ANKRD26: variants seen among roughly 807,000 people sequenced by gnomAD.
ANKRD26 encodes ankyrin repeat domain 26.
A neutral mutation model predicts 208.7 loss-of-function variants in ANKRD26; 141 were observed. The observed-to-expected ratio is 0.68, with a 90% CI of 0.59 to 0.78. The LOEUF is 0.78. ANKRD26 is among the 30% of genes least tolerant of loss of function. ANKRD26 has a pLI of 0.00. For missense variants in ANKRD26, 1,889 were observed against 1,938.7 expected, an observed-to-expected ratio of 0.97 and a Z score of 0.48; for synonymous variants, 636 against 660.4, an observed-to-expected ratio of 0.96 and a Z score of 0.57.
At chr10:26,959,150 G>C in the ANKRD26 span, among the ~76,000 whole-genome samples, 1 of 151,872 alleles carries the variant, frequency 6.6e-6, no homozygotes, top group Admixed American at 6.6e-5. Flanking sequence ...GTGGTGGCAG[G>C]CACCTATAGT....
intron 16 of ANKRD26, chr10:27,051,039 A>G (rs1217894334): frequency 8.3e-7 from 1 of 1,209,820 alleles, no homozygotes; most frequent in Non-Finnish European, 1.0e-6. Flanking sequence ...AACAAAGAGT[A>G]GCAGCAAGCA....
At chr10:27,072,981 G>A (rs778480907) in intron 9 of ANKRD26, among the ~76,000 whole-genome samples, 3 of 152,212 alleles carry the variant, frequency 2.0e-5, no homozygotes, top group Non-Finnish European at 4.4e-5. Context: ...ACATTCCCCA[G>A]CACCACCCTG....
At chr10:27,074,443 G>A (rs2055617802) in intron 9 of ANKRD26, among the ~76,000 whole-genome samples, 1 of 152,236 alleles carries the variant, frequency 6.6e-6, no homozygotes, top group Non-Finnish European at 1.5e-5. Context: ...CACTTTGGGA[G>A]GCCAAGGTGG....
chr10:27,005,568 C>T lies in ANKRD26; in HGVS notation c.*22G>A, dbSNP rs2052843703. On this transcript the variant is annotated 3_prime_UTR_variant, in exon 34 of 34. Coordinates refer to ENST00000376087, the MANE Select transcript of ANKRD26 (RefSeq NM_014915.3). ...GAGAAACAAAATGTCACATAAACAG[C>T]CCAGTAATAAAATCTTATCTTTCAG... is the stretch of plus-strand genomic sequence containing the variant. 1 of 1,599,464 alleles carries T rather than the reference C, an allele frequency of 6.3e-7. No individual in the cohort carries two copies. Among genetic ancestry groups the T allele is most frequent in the South Asian group, 1.1e-5 (1 of 89,980 alleles).
rs957305468 is a variant in ANKRD26, at chr10:27,004,591, T to A, written c.*999A>T. 2.0e-5 allele frequency: 3 copies of A among 152,138 alleles called. No homozygotes were observed. Among genetic ancestry groups the A allele is most frequent in the African/African-American group, 4.8e-5 (2 of 41,426 alleles). The allele number at this position is 152,138 out of a possible 1,614,324, so 9.4% of individuals were successfully genotyped here. On this transcript the variant is annotated 3_prime_UTR_variant, in exon 34 of 34. Coordinates refer to ENST00000376087, the MANE Select transcript of ANKRD26 (RefSeq NM_014915.3). ...CAAATCAAAACTGTAGGGTCACAGG[T>A]AAGATGCAATGAGAAGATCACTGGG...
chr10:27,058,022 A>G (rs2054904453), intron 15 of ANKRD26, among the ~76,000 whole-genome samples: 1 of 152,162 alleles, frequency 6.6e-6, no homozygotes, highest in South Asian at 2.1e-4. Context: ...CTAGGTGCAC[A>G]CTTGATCCAG....
downstream of ANKRD26, among the ~76,000 whole-genome samples, chr10:26,968,854 T>A (rs1366228403): frequency 6.6e-6 from 1 of 152,204 alleles, no homozygotes; most frequent in Non-Finnish European, 1.5e-5. Flanking sequence ...TTAACAAAAA[T>A]TAAATTTCAC....
At position 27,054,452 on chromosome 10, in the gene ANKRD26, G is replaced by C. The variant is rs141566371; in HGVS notation, c.1565-1062C>G. On this transcript the variant is annotated intron_variant, in intron 15 of 33. Transcript: ENST00000376087. The stretch of plus-strand genomic sequence containing the variant: ...ATATAAAAATGAGCTGGGCGTGGTG[G>C]TGTGTGCCTGTGATCCCAGCTACTC... 7.1e-3 allele frequency among the ~76,000 whole-genome samples: 1,085 copies of C among 152,182 alleles called. 15 individuals are homozygous for C. The highest frequency in any genetic ancestry group is 0.024 in the African/African-American group (1,010 of 41,510).
the ANKRD26 span, among the ~76,000 whole-genome samples, chr10:26,951,028 T>C: frequency 1.5e-5 from 2 of 132,610 alleles, no homozygotes; most frequent in African/African-American, 2.6e-5. Flanking sequence ...TCTTTTTTTT[T>C]TTTTTTTTTG....
intron 33 of ANKRD26, 139 bp downstream of exon 33, chr10:27,006,778 A>G: frequency 1.5e-6 from 1 of 681,302 alleles, no homozygotes; most frequent in Non-Finnish European, 2.6e-6. Context: ...CACATCTTTC[A>G]TTAGATGTGT....
chr10:26,964,060 C>T, the ANKRD26 span, among the ~76,000 whole-genome samples: 1 of 151,016 alleles, frequency 6.6e-6, no homozygotes, highest in Non-Finnish European at 1.5e-5. Flanking sequence ...ATTACAGGCG[C>T]ACCACCACAC....
chr10:26,987,119 T>C (rs1218660343), downstream of ANKRD26, among the ~76,000 whole-genome samples: 1 of 152,326 alleles, frequency 6.6e-6, no homozygotes, highest in East Asian at 1.9e-4. Context: ...GATGAGTTCA[T>C]GTCCTTTGTA....
intron 28 of ANKRD26, among the ~76,000 whole-genome samples, chr10:27,023,055 C>T (rs1226403456): frequency 2.0e-5 from 3 of 152,092 alleles, no homozygotes; most frequent in Middle Eastern, 3.2e-3. Flanking sequence ...TTAGGCTGGA[C>T]CAGTGGCTCA....
At chr10:27,023,697 A>G (rs1376442945) in intron 28 of ANKRD26, among the ~76,000 whole-genome samples, 1 of 151,934 alleles carries the variant, frequency 6.6e-6, no homozygotes, top group African/African-American at 2.4e-5. Context: ...AAAGACAATG[A>G]GAGAAAAATA....
intron 5 of ANKRD26, among the ~76,000 whole-genome samples, chr10:26,993,290 A>C (rs2052522485): frequency 6.6e-6 from 1 of 152,210 alleles, no homozygotes; most frequent in Non-Finnish European, 1.5e-5. Flanking sequence ...AATATGTCCC[A>C]TTTACTGCTA....
intron 32 of ANKRD26, among the ~76,000 whole-genome samples, chr10:27,012,567 C>T (rs564602409): frequency 7.9e-5 from 12 of 152,074 alleles, no homozygotes; most frequent in Non-Finnish European, 1.6e-4. Context: ...GTAACCCCAG[C>T]ACTTCGGGAG....
At chr10:27,041,476 C>T (rs1170579439) in intron 20 of ANKRD26, among the ~76,000 whole-genome samples, 1 of 152,052 alleles carries the variant, frequency 6.6e-6, no homozygotes, top group Non-Finnish European at 1.5e-5. Flanking sequence ...AAGGTATTGC[C>T]TCAGGAGTGG....
Position 27,068,919 on chromosome 10 carries a change from C to T in ANKRD26, c.1078-1633G>A, listed in dbSNP as rs1324191360. ...ATATGAGAAACGAGGTCGGGCGCAG[C>T]GCGGTGGCTCACACCTGTAATCCCA... is the stretch of plus-strand genomic sequence containing the variant. On this transcript the variant is annotated intron_variant, in intron 9 of 33. Coordinates refer to ENST00000376087, the MANE Select transcript of ANKRD26 (RefSeq NM_014915.3). Among the ~76,000 whole-genome samples, 4 of 151,198 alleles carry T rather than the reference C, an allele frequency of 2.6e-5. No individual in the cohort carries two copies. In the South Asian group the frequency reaches 6.3e-4, roughly 24 times the overall value.
rs776893459 is a variant in ANKRD26 at position 27,035,017 on chromosome 10, A to ACATATTCT, written c.3425_3432dup (p.Leu1145ArgfsTer23). ...GCATCATCCAGTTGTTGTCGAAGCA[A>ACATATTCT]CATATTCTCACTTTGTAGTTGAGAC... On this transcript the variant is annotated frameshift_variant, in exon 24 of 34. Transcript: ENST00000376087. LOFTEE classifies it high-confidence loss of function. The ACATATTCT allele has an allele frequency of 1.2e-6, 2 of 1,614,052 alleles. No homozygotes were observed. Among genetic ancestry groups the ACATATTCT allele is most frequent in the Non-Finnish European group, 1.7e-6 (2 of 1,179,950 alleles).
Sources: gnomAD v4.1 joint callset for allele counts (sites outside exome capture counted in the v4.1 genomes callset) on GRCh38, gnomAD v4.1.1 for gene constraint, MANE v1.5 for transcripts, NCBI Gene and HGNC (gene_info 2026-07-23, HGNC 2026-07-21) for gene names.